Variants in SLC24A3 observed in about 807,000 individuals in gnomAD.
SLC24A3 encodes sodium/potassium/calcium exchanger 3.
SLC24A3 carries 28 observed loss-of-function variants against 75.8 expected under a neutral mutation model. That is an observed-to-expected ratio of 0.37 (90% CI 0.27 to 0.51). The LOEUF is 0.51. SLC24A3 is among the 20% of genes least tolerant of loss of function. The probability of loss-of-function intolerance (pLI) is 0.94; values close to 1 mark genes in which losing one functional copy is unlikely to be tolerated. For synonymous variants in SLC24A3, 372 were observed against 334.1 expected, an observed-to-expected ratio of 1.11 and a Z score of -1.24; for missense variants, 663 against 847.8, an observed-to-expected ratio of 0.78 and a Z score of 2.71.
intron 3 of SLC24A3, among the ~76,000 whole-genome samples, chr20:19,578,179 G>A (rs2031168085): frequency 6.6e-6 from 1 of 152,150 alleles, no homozygotes; most frequent in South Asian, 2.1e-4. Context: ...AGTGTAAAAG[G>A]CCTATTATTG....
At chr20:19,459,770 T>C (rs1048693294) in intron 2 of SLC24A3, among the ~76,000 whole-genome samples, 3 of 152,162 alleles carry the variant, frequency 2.0e-5, no homozygotes, top group African/African-American at 7.2e-5. Flanking sequence ...AGGGAAACCC[T>C]TGGGGAATCT....
intron 2 of SLC24A3, among the ~76,000 whole-genome samples, chr20:19,339,794 G>A (rs1985225521): frequency 6.6e-6 from 1 of 152,242 alleles, no homozygotes; most frequent in South Asian, 2.1e-4. Flanking sequence ...ATTTTACTAA[G>A]CATGTTTGAT....
chr20:19,479,141 T>C (rs1988008897), intron 2 of SLC24A3, among the ~76,000 whole-genome samples: 1 of 152,208 alleles, frequency 6.6e-6, no homozygotes, highest in Non-Finnish European at 1.5e-5. Flanking sequence ...ATCAGTGCAT[T>C]CAGAGAGTCA....
At chr20:19,602,296 AAAGT>A (rs1255493954) in intron 6 of SLC24A3, among the ~76,000 whole-genome samples, 2 of 152,174 alleles carry the variant, frequency 1.3e-5, no homozygotes, top group African/African-American at 4.8e-5. Flanking sequence ...TCCCCTGAAA[AAAGT>A]ACTATCATTG....
intron 6 of SLC24A3, among the ~76,000 whole-genome samples, chr20:19,640,611 G>C (rs992955134): frequency 6.6e-6 from 1 of 152,170 alleles, no homozygotes; most frequent in Non-Finnish European, 1.5e-5. Context: ...TTAGCCAGAT[G>C]TGGTGGCGGA....
At chr20:19,359,543 C>T (rs1387838693) in intron 2 of SLC24A3, among the ~76,000 whole-genome samples, 1 of 152,138 alleles carries the variant, frequency 6.6e-6, no homozygotes, top group Non-Finnish European at 1.5e-5. Flanking sequence ...AGCATGTCCT[C>T]AATCTGGGAA....
chr20:19,400,066 A>G (rs1255423122), intron 2 of SLC24A3, among the ~76,000 whole-genome samples: 1 of 152,204 alleles, frequency 6.6e-6, no homozygotes, highest in African/African-American at 2.4e-5. Flanking sequence ...TAGTTATAAC[A>G]ACTTTTCTAA....
intron 6 of SLC24A3, among the ~76,000 whole-genome samples, chr20:19,599,907 G>T (rs1487596296): frequency 6.6e-6 from 1 of 152,172 alleles, no homozygotes; most frequent in Admixed American, 6.5e-5. Flanking sequence ...GAGGGGAACA[G>T]CCAGGAGATT....
intron 2 of SLC24A3, among the ~76,000 whole-genome samples, chr20:19,289,076 C>T (rs771343749): frequency 6.6e-5 from 10 of 152,158 alleles, no homozygotes; most frequent in African/African-American, 1.2e-4. Flanking sequence ...TTTCCAAGGT[C>T]CTCTCTACTC....
At chr20:19,292,720 CCTT>C (rs1049399489) in intron 2 of SLC24A3, among the ~76,000 whole-genome samples, 4 of 152,314 alleles carry the variant, frequency 2.6e-5, no homozygotes, top group South Asian at 2.1e-4. Context: ...ACTTGACTGA[CCTT>C]CTTGTCGTAG....
chr20:19,644,208 G>A (rs1162940847), intron 6 of SLC24A3, among the ~76,000 whole-genome samples: 1 of 152,126 alleles, frequency 6.6e-6, no homozygotes, highest in African/African-American at 2.4e-5. Context: ...GCTGCATCGC[G>A]TCCAGATCCC....
chr20:19,698,780 G>A (rs889914082), intron 15 of SLC24A3, 100 bp downstream of exon 15: 26 of 862,242 alleles, frequency 3.0e-5, no homozygotes, highest in Non-Finnish European at 4.1e-5. Context: ...AAAAAGGGGT[G>A]TAGAAATCGT....
chr20:19,716,484 A>G lies in SLC24A3; in HGVS notation c.1720-1044A>G, dbSNP rs73903726. ...CAACAGCCACCTGTACCTAATGGCT[A>G]CCATGTTGGAGAGCACAGATATAGA... On this transcript the variant is annotated intron_variant, in intron 15 of 16. Coordinates refer to ENST00000328041, the MANE Select transcript of SLC24A3 (RefSeq NM_020689.4). Among the ~76,000 whole-genome samples, 1,221 of 151,920 alleles carry G rather than the reference A, an allele frequency of 8.0e-3. 18 individuals carry two copies. The highest frequency in any genetic ancestry group is 0.028 in the African/African-American group (1,153 of 41,406).
At chr20:19,455,560 C>T (rs1056994704) in intron 2 of SLC24A3, among the ~76,000 whole-genome samples, 2 of 152,222 alleles carry the variant, frequency 1.3e-5, no homozygotes, top group African/African-American at 4.8e-5. Flanking sequence ...GAAACCAATA[C>T]ACCAGGAGCA....
intron 1 of SLC24A3, among the ~76,000 whole-genome samples, chr20:19,233,574 G>A (rs1982085642): frequency 6.6e-6 from 1 of 152,378 alleles, no homozygotes; most frequent in South Asian, 2.1e-4. Context: ...TCTGATTAAT[G>A]TTCTGAGTGT....
chr20:19,289,237 G>A (rs6035273), intron 2 of SLC24A3, among the ~76,000 whole-genome samples: 6,134 of 152,026 alleles, frequency 0.04, 416 homozygotes, highest in African/African-American at 0.14. Context: ...TTTTCCTTTC[G>A]TATGTTAGGG....
chr20:19,241,334 T>C (rs905590928), intron 1 of SLC24A3, among the ~76,000 whole-genome samples: 17 of 152,178 alleles, frequency 1.1e-4, no homozygotes, highest in Admixed American at 2.6e-4. Context: ...CCAGGGTTTG[T>C]GCACACAATA....
intron 2 of SLC24A3, among the ~76,000 whole-genome samples, chr20:19,422,948 G>T (rs1049471904): frequency 1.3e-5 from 2 of 152,192 alleles, no homozygotes; most frequent in African/African-American, 4.8e-5. Context: ...ATAAAGTTAG[G>T]AAGTCGCTTA....
At chr20:19,587,379 G>A (rs1416526112) in intron 6 of SLC24A3, among the ~76,000 whole-genome samples, 1 of 152,162 alleles carries the variant, frequency 6.6e-6, no homozygotes, top group Non-Finnish European at 1.5e-5. Flanking sequence ...AAAGGCAAAG[G>A]GCTCCCTGAA....
Sources: gnomAD v4.1 joint callset for allele counts (sites outside exome capture counted in the v4.1 genomes callset) on GRCh38, gnomAD v4.1.1 for gene constraint, MANE v1.5 for transcripts, NCBI Gene and HGNC (gene_info 2026-07-23, HGNC 2026-07-21) for gene names.